Variants in MTHFS observed in about 807,000 individuals in gnomAD.
The protein encoded by MTHFS is 5-formyltetrahydrofolate cyclo-ligase.
MTHFS carries 7 observed loss-of-function variants against 12.7 expected under a neutral mutation model. The ratio of observed to expected loss-of-function variants is 0.55; its 90% CI spans 0.31 to 1.03. The LOEUF (loss-of-function observed/expected upper bound fraction) is 1.03. MTHFS is among the 50% of genes least tolerant of loss of function. The pLI is 0.05. For missense variants in MTHFS, 252 were observed against 258.1 expected (o/e 0.98, Z 0.16); for synonymous variants, 100 against 97.1 (o/e 1.03, Z -0.18).
intron 2 of MTHFS, among the ~76,000 whole-genome samples, chr15:79,868,039 C>T (rs1342670087): frequency 6.6e-6 from 1 of 152,132 alleles, no homozygotes; most frequent in African/African-American, 2.4e-5. Context: ...TTATTTTGAG[C>T]GAGGTCTGAA....
intron 2 of MTHFS, among the ~76,000 whole-genome samples, chr15:79,859,717 T>C (rs933533141): frequency 1.4e-4 from 21 of 150,822 alleles, no homozygotes; most frequent in African/African-American, 4.1e-4. Context: ...ACTCGGGAGA[T>C]TGAGGCAGAA....
intron 2 of MTHFS, among the ~76,000 whole-genome samples, chr15:79,846,428 G>A (rs1489994680): frequency 6.6e-6 from 1 of 152,178 alleles, no homozygotes; most frequent in African/African-American, 2.4e-5. Context: ...GCATTTGCTG[G>A]CAAGATATAC....
chr15:79,886,859 T>A (rs1596080914), intron 2 of MTHFS, among the ~76,000 whole-genome samples: 2 of 152,226 alleles, frequency 1.3e-5, no homozygotes, highest in African/African-American at 4.8e-5. Flanking sequence ...AATGAGTTTA[T>A]CTTATAATGA....
intron 2 of MTHFS, among the ~76,000 whole-genome samples, chr15:79,888,698 G>A (rs143073956): frequency 3.3e-5 from 5 of 152,344 alleles, no homozygotes; most frequent in Non-Finnish European, 7.3e-5. Context: ...ATGGCCAGCT[G>A]GGTAGCTGGT....
intron 2 of MTHFS, among the ~76,000 whole-genome samples, chr15:79,867,926 T>A (rs1053271320): frequency 1.3e-5 from 2 of 151,810 alleles, no homozygotes; most frequent in South Asian, 2.1e-4. Context: ...AGTGTGTGTG[T>A]GAGAGAGAGA....
chr15:79,848,142 CATTCAATGAATATT>C (rs2033651695), intron 2 of MTHFS, among the ~76,000 whole-genome samples: 1 of 152,218 alleles, frequency 6.6e-6, no homozygotes, highest in Admixed American at 6.5e-5. Flanking sequence ...GTGGTACATA[CATTCAATGAATATT>C]ATTCAGCCAT....
intron 1 of MTHFS, 71 bp from the exon 2 acceptor site, chr15:79,889,425 T>C (rs910336901): frequency 8.4e-5 from 123 of 1,468,356 alleles, no homozygotes; most frequent in Middle Eastern, 2.2e-4. Flanking sequence ...AATTCCTCCT[T>C]TCTCTCTCAG....
chr15:79,891,151 A>G (rs2034465525), intron 1 of MTHFS, among the ~76,000 whole-genome samples: 1 of 152,216 alleles, frequency 6.6e-6, no homozygotes, highest in Non-Finnish European at 1.5e-5. Flanking sequence ...TACTGACAAA[A>G]CAGCAGCAGA....
At chr15:79,863,459 G>A (rs1274351830) in intron 2 of MTHFS, among the ~76,000 whole-genome samples, 1 of 152,178 alleles carries the variant, frequency 6.6e-6, no homozygotes, top group African/African-American at 2.4e-5. Flanking sequence ...CTCAGCTCAG[G>A]CCATGACACC....
intron 2 of MTHFS, among the ~76,000 whole-genome samples, chr15:79,884,876 T>C (rs558877071): frequency 1.3e-4 from 20 of 152,132 alleles, no homozygotes; most frequent in East Asian, 1.9e-4. Flanking sequence ...GTGAGGACAA[T>C]AGGCTAGTTA....
intron 1 of MTHFS, 110 bp downstream of exon 1, chr15:79,896,762 G>C: frequency 1.4e-6 from 2 of 1,460,026 alleles, no homozygotes; most frequent in Non-Finnish European, 1.8e-6. Context: ...GGGGGGTGGG[G>C]GGGCGCCTAG....
chr15:79,874,907 T>G (rs2034164279), intron 2 of MTHFS, among the ~76,000 whole-genome samples: 2 of 152,172 alleles, frequency 1.3e-5, no homozygotes, highest in African/African-American at 2.4e-5. Context: ...TGTTCTTTTT[T>G]CAAGGTGCCC....
chr15:79,887,234 G>GA (rs34656829), intron 2 of MTHFS, among the ~76,000 whole-genome samples: 14 of 150,364 alleles, frequency 9.3e-5, no homozygotes, highest in Non-Finnish European at 1.2e-4. Flanking sequence ...CAAAAGAAAA[G>GA]AAAAAAAAAC....
At chr15:79,867,694 T>C (rs1249469609) in intron 2 of MTHFS, among the ~76,000 whole-genome samples, 1 of 152,110 alleles carries the variant, frequency 6.6e-6, no homozygotes, top group African/African-American at 2.4e-5. Flanking sequence ...AGCTAGTATA[T>C]GTGGGACATA....
chr15:79,889,082 A>C lies in MTHFS; in HGVS notation c.379+11T>G. The C allele has an allele frequency of 1.2e-6, 2 of 1,613,992 alleles. No individual in the cohort carries two copies. Among genetic ancestry groups the C allele is most frequent in the East Asian group, 2.2e-5 (1 of 44,886 alleles). On this transcript the variant is annotated intron_variant, in intron 2 of 2. Transcript: ENST00000258874. Reference sequence around the variant, plus strand: ...CATAATCTAACAACATCCTAACACCATAATACTCACCTGTGGACAAGGCCT... The same window carrying C: ...CATAATCTAACAACATCCTAACACCCTAATACTCACCTGTGGACAAGGCCT...
intron 2 of MTHFS, among the ~76,000 whole-genome samples, chr15:79,856,013 A>C (rs1194637227): frequency 6.6e-6 from 1 of 152,168 alleles, no homozygotes; most frequent in Non-Finnish European, 1.5e-5. Flanking sequence ...AACGATTTAT[A>C]TTCCTTTGAG....
At chr15:79,889,422 C>T (rs1164234894) in intron 1 of MTHFS, 68 bp from the exon 2 acceptor site, 11 of 1,534,086 alleles carry the variant, frequency 7.2e-6, no homozygotes, top group African/African-American at 1.4e-5. Context: ...AACAATTCCT[C>T]CTTTCTCTCT....
chr15:79,845,617 G>A (rs1384217715), intron 2 of MTHFS, among the ~76,000 whole-genome samples, 175 bp from the exon 3 acceptor site: 1 of 152,142 alleles, frequency 6.6e-6, no homozygotes, highest in Non-Finnish European at 1.5e-5. Context: ...AACGTACTCA[G>A]CAACTTAGTT....
At chr15:79,889,521 T>C (rs1355296443) in intron 1 of MTHFS, among the ~76,000 whole-genome samples, 167 bp from the exon 2 acceptor site, 3 of 152,148 alleles carry the variant, frequency 2.0e-5, no homozygotes. Context: ...TGTTGCATCA[T>C]GAAGCCTGAC....
Sources: gnomAD v4.1 joint callset for allele counts (sites outside exome capture counted in the v4.1 genomes callset) on GRCh38, gnomAD v4.1.1 for gene constraint, MANE v1.5 for transcripts, NCBI Gene and HGNC (gene_info 2026-07-23, HGNC 2026-07-21) for gene names.